Variants in PPP6R3 observed in about 807,000 individuals in gnomAD.
PPP6R3 encodes the protein serine/threonine-protein phosphatase 6 regulatory subunit 3.
In PPP6R3, 38 loss-of-function variants were observed where a neutral mutation model predicts 110.7. That is an observed-to-expected ratio of 0.34 (90% CI 0.26 to 0.45). The LOEUF is 0.45. Among genes scored for constraint, PPP6R3 ranks in the 20% least tolerant of loss-of-function variants. PPP6R3 has a pLI of 1.00. For synonymous variants in PPP6R3, 369 were observed against 373.5 expected (o/e 0.99, Z 0.14); for missense variants, 870 against 1,062.4 (o/e 0.82, Z 2.52).
At chr11:68,546,238 A>G (rs959605447) in intron 4 of PPP6R3, among the ~76,000 whole-genome samples, 5 of 152,176 alleles carry the variant, frequency 3.3e-5, no homozygotes, top group East Asian at 1.9e-4. Context: ...TTCTAGTTAG[A>G]AATACAAGAA....
intron 7 of PPP6R3, among the ~76,000 whole-genome samples, chr11:68,556,553 A>G (rs1022299627): frequency 7.5e-5 from 11 of 147,370 alleles, no homozygotes; most frequent in Admixed American, 2.7e-4. Flanking sequence ...AAAAAAACGA[A>G]AAAAAAAAAC....
At chr11:68,571,699 C>T (rs1593339967) in intron 12 of PPP6R3, among the ~76,000 whole-genome samples, 1 of 152,110 alleles carries the variant, frequency 6.6e-6, no homozygotes, top group Admixed American at 6.5e-5. Flanking sequence ...TATGTCACCC[C>T]GTAGATTCTG....
At chr11:68,591,974 A>G (rs1292792517) in intron 18 of PPP6R3, among the ~76,000 whole-genome samples, 4 of 152,240 alleles carry the variant, frequency 2.6e-5, no homozygotes, top group Non-Finnish European at 5.9e-5. Flanking sequence ...AGACAAGCGT[A>G]GTCACATAGT....
intron 17 of PPP6R3, 135 bp downstream of exon 17, chr11:68,590,849 C>A: frequency 9.3e-7 from 1 of 1,076,844 alleles, no homozygotes; most frequent in Non-Finnish European, 1.2e-6. Context: ...ATACTTCACT[C>A]TGTCCCACGG....
chr11:68,503,441 T>C (rs1203048336), intron 1 of PPP6R3, among the ~76,000 whole-genome samples: 3 of 152,098 alleles, frequency 2.0e-5, no homozygotes, highest in Non-Finnish European at 4.4e-5. Flanking sequence ...CTCTGTGTTA[T>C]CAGTGGGACA....
At chr11:68,511,463 A>AGAGTGTGTGTGT (rs1555082964) in intron 1 of PPP6R3, among the ~76,000 whole-genome samples, 2 of 138,512 alleles carry the variant, frequency 1.4e-5, no homozygotes, top group Admixed American at 7.3e-5. Context: ...ACTGTGTTAG[A>AGAGTGTGTGTGT]GTGTGTGTGT....
intron 7 of PPP6R3, 191 bp from the exon 8 acceptor site, chr11:68,558,375 C>A: frequency 2.5e-6 from 1 of 395,214 alleles, no homozygotes; most frequent in Non-Finnish European, 4.5e-6. Context: ...TGTTTGTGTG[C>A]GGGTGCATGT....
intron 1 of PPP6R3, among the ~76,000 whole-genome samples, chr11:68,467,022 T>G (rs1370315040): frequency 1.3e-5 from 2 of 152,246 alleles, no homozygotes; most frequent in Non-Finnish European, 2.9e-5. Context: ...ATTACAGGCG[T>G]GAGCCGCTGC....
intron 2 of PPP6R3, among the ~76,000 whole-genome samples, chr11:68,529,114 A>G (rs2099220328): frequency 6.6e-6 from 1 of 152,218 alleles, no homozygotes; most frequent in Non-Finnish European, 1.5e-5. Context: ...TTTGTTTCCC[A>G]ACATTTTCGA....
chr11:68,579,445 T>TAA (rs1292703290), intron 14 of PPP6R3, among the ~76,000 whole-genome samples: 1 of 152,274 alleles, frequency 6.6e-6, no homozygotes, highest in African/African-American at 2.4e-5. Flanking sequence ...GCACTTTACT[T>TAA]ACGGTATATC....
At chr11:68,566,353 CTTCCTTCTTCCTTTTTTT>C (rs1367407399) in intron 9 of PPP6R3, among the ~76,000 whole-genome samples, 1 of 151,252 alleles carries the variant, frequency 6.6e-6, no homozygotes, top group Non-Finnish European at 1.5e-5. Flanking sequence ...CTCCTTTTTT[CTTCCTTCTTCCTTTTTTT>C]GTTTTTTTGA....
intron 1 of PPP6R3, among the ~76,000 whole-genome samples, chr11:68,475,045 A>G (rs1043601604): frequency 1.3e-5 from 2 of 152,112 alleles, no homozygotes; most frequent in Admixed American, 6.5e-5. Context: ...TGGTTTTCCT[A>G]GGCAGAGGAC....
chr11:68,502,885 C>T (rs2099055511), intron 1 of PPP6R3, among the ~76,000 whole-genome samples: 1 of 152,132 alleles, frequency 6.6e-6, no homozygotes, highest in Non-Finnish European at 1.5e-5. Context: ...GTTTGAAATG[C>T]CATGATGGTT....
chr11:68,539,406 G>C lies in PPP6R3; in HGVS notation c.227+1515G>C, dbSNP rs778764503. The stretch of plus-strand genomic sequence containing the variant: ...CTGCGCACCCCCCGCCGTTATAACA[G>C]TGTGGCACTTGTATTATATTGCTTC... On this transcript the variant is annotated intron_variant, in intron 3 of 23. Coordinates refer to ENST00000393800, the MANE Select transcript of PPP6R3 (RefSeq NM_001164161.2). 8.3e-4 allele frequency among the ~76,000 whole-genome samples: 126 copies of C among 152,236 alleles called. 3 individuals carry two copies. Among genetic ancestry groups the C allele is most frequent in the Admixed American group, 2.5e-3 (38 of 15,292 alleles).
chr11:68,464,381 G>T (rs1057066586), intron 1 of PPP6R3, among the ~76,000 whole-genome samples: 1 of 151,964 alleles, frequency 6.6e-6, no homozygotes, highest in Non-Finnish European at 1.5e-5. Flanking sequence ...TACCCGCCTC[G>T]GCCTCCCAAA....
At chr11:68,506,246 T>C (rs773001917) in intron 1 of PPP6R3, among the ~76,000 whole-genome samples, 6 of 150,824 alleles carry the variant, frequency 4.0e-5, no homozygotes, top group African/African-American at 4.9e-5. Context: ...GCTGGGACTA[T>C]AGGCATGCAC....
At chr11:68,492,702 A>G (rs960396337) in intron 1 of PPP6R3, among the ~76,000 whole-genome samples, 7 of 152,144 alleles carry the variant, frequency 4.6e-5, no homozygotes, top group Non-Finnish European at 7.4e-5. Flanking sequence ...ACTGTTTTCC[A>G]TGACTGTACC....
At chr11:68,559,845 T>C (rs1593144065) in intron 8 of PPP6R3, among the ~76,000 whole-genome samples, 2 of 117,714 alleles carry the variant, frequency 1.7e-5, no homozygotes, top group African/African-American at 3.3e-5. Flanking sequence ...TACGGTGCCC[T>C]CTTCCCACCC....
chr11:68,503,918 A>G (rs949420807), intron 1 of PPP6R3, among the ~76,000 whole-genome samples: 16 of 152,222 alleles, frequency 1.1e-4, no homozygotes, highest in Non-Finnish European at 1.0e-4. Flanking sequence ...AAGCAAATGC[A>G]TTGTTGACCA....
Sources: gnomAD v4.1 joint callset for allele counts (sites outside exome capture counted in the v4.1 genomes callset) on GRCh38, gnomAD v4.1.1 for gene constraint, MANE v1.5 for transcripts, NCBI Gene and HGNC (gene_info 2026-07-23, HGNC 2026-07-21) for gene names.